ADAMTSL1: variants seen among roughly 807,000 people sequenced by gnomAD.
The protein encoded by ADAMTSL1 is ADAMTS-like protein 1.
In ADAMTSL1, 126 loss-of-function variants were observed where a neutral mutation model predicts 201.8. That is an observed-to-expected ratio of 0.62 (90% CI 0.54 to 0.72). The LOEUF is 0.72. Ranked by LOEUF, ADAMTSL1 falls within the 30% of genes least tolerant of loss-of-function variation. ADAMTSL1 has a pLI of 0.00. For synonymous variants in ADAMTSL1, 1,121 were observed against 903.4 expected (o/e 1.24, Z -4.32); for missense variants, 2,679 against 2,277.8 (o/e 1.18, Z -3.59).
At chr9:18,075,083 A>G (rs1290086896) in intron 1 of ADAMTSL1, among the ~76,000 whole-genome samples, 1 of 150,454 alleles carries the variant, frequency 6.6e-6, no homozygotes, top group Non-Finnish European at 1.5e-5. Context: ...TCTCTTTCCT[A>G]CACTCCTCAC....
chr9:18,895,135 A>T (rs1829542425), intron 26 of ADAMTSL1, among the ~76,000 whole-genome samples: 2 of 152,226 alleles, frequency 1.3e-5, no homozygotes, highest in South Asian at 4.2e-4. Flanking sequence ...AACCAGCAAT[A>T]GGTTTAGTTA....
intron 2 of ADAMTSL1, among the ~76,000 whole-genome samples, chr9:18,165,997 G>A (rs1056378188): frequency 1.3e-5 from 2 of 151,914 alleles, no homozygotes; most frequent in African/African-American, 4.8e-5. Context: ...CTCTTCAGCA[G>A]AATGGGAGAA....
At chr9:18,322,638 C>G (rs1241084941) in intron 2 of ADAMTSL1, among the ~76,000 whole-genome samples, 2 of 151,800 alleles carry the variant, frequency 1.3e-5, no homozygotes, top group East Asian at 3.9e-4. Context: ...CCTGTCTCAA[C>G]AACAACAACA....
At chr9:18,725,398 A>C (rs561790518) in intron 15 of ADAMTSL1, among the ~76,000 whole-genome samples, 1 of 152,328 alleles carries the variant, frequency 6.6e-6, no homozygotes, top group African/African-American at 2.4e-5. Context: ...TCCCTTCACA[A>C]CTTTGCCTAA....
rs772034324 is a variant in ADAMTSL1, at chr9:18,366,627, A to ATTTTT, written c.208-138166_208-138162dup. Reference sequence around the variant, plus strand: ...ATGGATAGTGCCTCTGAAATCACTAATTTTTTTTTTTTTTTTTTTTTTTTT... The same window carrying ATTTTT: ...ATGGATAGTGCCTCTGAAATCACTAATTTTTTTTTTTTTTTTTTTTTTTTTTTTTT... On this transcript the variant is annotated intron_variant, in intron 2 of 29. Transcript: ENST00000680146. Among the ~76,000 whole-genome samples, 121 of 112,816 alleles carry ATTTTT rather than the reference A, an allele frequency of 1.1e-3. 14 individuals are homozygous for ATTTTT. The highest frequency in any genetic ancestry group is 3.6e-3 in the African/African-American group (105 of 29,076). The allele number at this position is 112,816 out of a possible 152,430, so 74.0% of individuals were successfully genotyped here.
intron 2 of ADAMTSL1, among the ~76,000 whole-genome samples, chr9:18,311,220 G>A (rs1435319278): frequency 1.3e-5 from 2 of 151,892 alleles, no homozygotes; most frequent in African/African-American, 2.4e-5. Context: ...GGGGGGCTAG[G>A]GTAGTAATAG....
At chr9:18,296,762 T>C (rs1329129877) in intron 2 of ADAMTSL1, among the ~76,000 whole-genome samples, 1 of 152,226 alleles carries the variant, frequency 6.6e-6, no homozygotes, top group African/African-American at 2.4e-5. Flanking sequence ...TTGAGCATTT[T>C]ACTGTAGATC....
intron 1 of ADAMTSL1, among the ~76,000 whole-genome samples, chr9:17,917,824 G>T (rs1338085293): frequency 6.6e-6 from 1 of 151,886 alleles, no homozygotes; most frequent in Non-Finnish European, 1.5e-5. Flanking sequence ...TGTGAGAACT[G>T]TTTAATTACA....
chr9:18,472,111 C>G (rs529905390), upstream of ADAMTSL1, among the ~76,000 whole-genome samples: 1 of 152,222 alleles, frequency 6.6e-6, no homozygotes, highest in Non-Finnish European at 1.5e-5. Context: ...ATTAATAGAA[C>G]TAGCTGAAAC....
chr9:17,927,567 A>G (rs573827972), intron 1 of ADAMTSL1, among the ~76,000 whole-genome samples: 63 of 152,238 alleles, frequency 4.1e-4, no homozygotes, highest in African/African-American at 1.5e-3. Context: ...TCAGATCAAA[A>G]TATCTAAAAA....
intron 1 of ADAMTSL1, among the ~76,000 whole-genome samples, chr9:18,141,165 G>A (rs1264229263): frequency 1.3e-5 from 2 of 152,202 alleles, no homozygotes; most frequent in African/African-American, 4.8e-5. Flanking sequence ...CCCTCACAGG[G>A]CTCACAGGTG....
At chr9:18,476,671 C>CT (rs141463331) in intron 1 of ADAMTSL1, among the ~76,000 whole-genome samples, 16,516 of 151,816 alleles carry the variant, frequency 0.11, 1,208 homozygotes, top group Non-Finnish European at 0.17. Flanking sequence ...TTCCTATAGT[C>CT]TTTTTTTTGT....
Position 18,064,954 on chromosome 9 carries a change from A to ATTTTTTTTTT in ADAMTSL1, c.88-98883_88-98874dup, listed in dbSNP as rs563021690. 3.0e-4 allele frequency among the ~76,000 whole-genome samples: 21 copies of ATTTTTTTTTT among 69,020 alleles called. 2 individuals carry two copies. Among genetic ancestry groups the ATTTTTTTTTT allele is most frequent in the Admixed American group, 4.8e-4 (2 of 4,140 alleles). 45.3% of individuals were successfully genotyped at this position (69,020 alleles called of 152,430 possible). On this transcript the variant is annotated intron_variant, in intron 1 of 29. Coordinates refer to the ADAMTSL1 transcript ENST00000680146. ...ATTCAGAAAGCAGTATTTGCTAAAGATTTTTTTTTTTTTTTTTTTTTTTTT... is the reference window on the plus strand; with the variant it reads ...ATTCAGAAAGCAGTATTTGCTAAAGATTTTTTTTTTTTTTTTTTTTTTTTTTTTTTTTTTT...
chr9:18,285,378 A>T (rs1289754971), intron 2 of ADAMTSL1, among the ~76,000 whole-genome samples: 1 of 152,134 alleles, frequency 6.6e-6, no homozygotes, highest in Non-Finnish European at 1.5e-5. Flanking sequence ...GTGAGGGTCA[A>T]TATGAGAGAT....
chr9:18,179,617 A>C (rs1292462764), intron 2 of ADAMTSL1, among the ~76,000 whole-genome samples: 4 of 152,226 alleles, frequency 2.6e-5, no homozygotes, highest in Non-Finnish European at 5.9e-5. Context: ...TGTTAAGGGC[A>C]GCCAGAGAGA....
chr9:18,866,135 G>A lies in ADAMTSL1; in HGVS notation c.4250-21696G>A, dbSNP rs1351635278. On this transcript the variant is annotated intron_variant, in intron 23 of 28. Transcript: ENST00000380548. Reference sequence around the variant, plus strand: ...AAAAACCAAAAAAAAAAAAAATGACGGATACTTCATTTGTTTTAACAAATG... The same window carrying A: ...AAAAACCAAAAAAAAAAAAAATGACAGATACTTCATTTGTTTTAACAAATG... Among the ~76,000 whole-genome samples, 17 of 47,196 alleles carry A rather than the reference G, an allele frequency of 3.6e-4. 1 individual carries two copies. Among genetic ancestry groups the A allele is most frequent in the South Asian group, 1.9e-3 (2 of 1,030 alleles). The allele number at this position is 47,196 out of a possible 152,430, so 31.0% of individuals were successfully genotyped here. A position where few individuals can be genotyped will look rare whatever the true frequency, so the allele number is the denominator to read the frequency against.
intron 2 of ADAMTSL1, among the ~76,000 whole-genome samples, chr9:18,213,934 A>G (rs529394586): frequency 6.6e-6 from 1 of 152,184 alleles, no homozygotes; most frequent in African/African-American, 2.4e-5. Flanking sequence ...ATGGGGTTTC[A>G]CCATGTTGGC....
At chr9:18,050,726 A>T (rs1349763031) in intron 1 of ADAMTSL1, among the ~76,000 whole-genome samples, 1 of 152,108 alleles carries the variant, frequency 6.6e-6, no homozygotes, top group Non-Finnish European at 1.5e-5. Context: ...ACCCAGAGGG[A>T]AATCTAAAGT....
rs572863683 is a variant in ADAMTSL1 at position 17,916,073 on chromosome 9, C to G, written c.87+9151C>G. On this transcript the variant is annotated intron_variant, in intron 1 of 29. Coordinates refer to the ADAMTSL1 transcript ENST00000680146. Reference sequence around the variant, plus strand: ...TAGCAGGGATGACAGGTGCGTGCCACCATGCACAGCTAATTTTTTTGTACT... The same window carrying G: ...TAGCAGGGATGACAGGTGCGTGCCAGCATGCACAGCTAATTTTTTTGTACT... Among the ~76,000 whole-genome samples, 71 of 152,278 alleles carry G rather than the reference C, an allele frequency of 4.7e-4. No individual in the cohort carries two copies. The South Asian group carries it at 0.012, about 26-fold the overall frequency.
Sources: gnomAD v4.1 joint callset for allele counts (sites outside exome capture counted in the v4.1 genomes callset) on GRCh38, gnomAD v4.1.1 for gene constraint, MANE v1.5 for transcripts, NCBI Gene and HGNC (gene_info 2026-07-23, HGNC 2026-07-21) for gene names.